AIG1: variants seen among roughly 807,000 people sequenced by gnomAD.
AIG1 encodes the protein androgen induced 1, also known as androgen-induced gene 1 protein.
Under a neutral mutation model 31.4 loss-of-function variants are expected in AIG1, and 23 were observed. The ratio of observed to expected loss-of-function variants is 0.73; its 90% confidence interval spans 0.53 to 1.04. The LOEUF is 1.04. Ranked by LOEUF, AIG1 falls within the 50% of genes least tolerant of loss-of-function variation. The pLI, the probability that AIG1 is intolerant of heterozygous loss-of-function variation, is 0.00. For synonymous variants in AIG1, 100 were observed against 110.5 expected (o/e 0.90, Z 0.60); for missense variants, 274 against 295.0 (o/e 0.93, Z 0.52).
intron 3 of AIG1, among the ~76,000 whole-genome samples, chr6:143,227,021 C>A (rs904824082): frequency 1.6e-5 from 2 of 122,678 alleles, no homozygotes; most frequent in Admixed American, 1.9e-4. Flanking sequence ...CATCAGCTAT[C>A]GTTAGTGTTT....
intron 3 of AIG1, among the ~76,000 whole-genome samples, chr6:143,196,015 G>A (rs913016268): frequency 6.6e-6 from 1 of 152,198 alleles, no homozygotes; most frequent in African/African-American, 2.4e-5. Flanking sequence ...TCTGGCCTTG[G>A]CTCCTTCTGA....
At chr6:143,255,272 C>T (rs932575973) in intron 3 of AIG1, among the ~76,000 whole-genome samples, 3 of 152,166 alleles carry the variant, frequency 2.0e-5, no homozygotes, top group Non-Finnish European at 4.4e-5. Flanking sequence ...GCTAAGGCTG[C>T]CATAACAAAA....
intron 3 of AIG1, chr6:143,189,287 C>T (rs1435981674): frequency 1.8e-6 from 1 of 561,882 alleles, no homozygotes; most frequent in Admixed American, 6.3e-5. Flanking sequence ...CATTATGTTT[C>T]CCAGGCTGGT....
chr6:143,294,709 C>G (rs1282038572), intron 4 of AIG1, among the ~76,000 whole-genome samples: 1 of 152,190 alleles, frequency 6.6e-6, no homozygotes, highest in Non-Finnish European at 1.5e-5. Context: ...CTGTAGACCT[C>G]TTCTCAATTG....
chr6:143,102,561 T>C (rs1780391659), intron 1 of AIG1, among the ~76,000 whole-genome samples: 1 of 147,708 alleles, frequency 6.8e-6, no homozygotes, highest in Non-Finnish European at 1.5e-5. Context: ...AAAGATAATG[T>C]TATATAAATA....
intron 2 of AIG1, among the ~76,000 whole-genome samples, chr6:143,140,855 G>A (rs113482493): frequency 0.012 from 1,806 of 152,302 alleles, 15 homozygotes; most frequent in Middle Eastern, 0.051. Flanking sequence ...CACCCTCTCT[G>A]TGCCAGGGGA....
intron 1 of AIG1, among the ~76,000 whole-genome samples, chr6:143,085,045 A>G (rs1475947185): frequency 6.6e-6 from 1 of 152,194 alleles, no homozygotes; most frequent in Admixed American, 6.5e-5. Context: ...GTAACATTAC[A>G]TCTCTCCATG....
At chr6:143,189,139 G>C in intron 3 of AIG1, 1 of 580,952 alleles carries the variant, frequency 1.7e-6, no homozygotes, top group Non-Finnish European at 2.2e-6. Context: ...AAACTGCAGG[G>C]CTCAAGCAAT....
chr6:143,076,871 C>G (rs576322376), intron 1 of AIG1, among the ~76,000 whole-genome samples: 5 of 152,212 alleles, frequency 3.3e-5, no homozygotes, highest in African/African-American at 1.2e-4. Context: ...CAGGGTTTCA[C>G]CATGTTAGCC....
intron 3 of AIG1, among the ~76,000 whole-genome samples, chr6:143,276,503 A>G (rs138266700): frequency 7.2e-5 from 11 of 152,316 alleles, no homozygotes; most frequent in Non-Finnish European, 1.0e-4. Flanking sequence ...GGTATCCAAC[A>G]TATGCCAAAA....
At chr6:143,173,244 G>A (rs529321271) in intron 3 of AIG1, among the ~76,000 whole-genome samples, 77 of 152,204 alleles carry the variant, frequency 5.1e-4, no homozygotes, top group Non-Finnish European at 9.7e-4. Flanking sequence ...TGTATTTTTA[G>A]TAGAGACAGT....
At chr6:143,305,781 G>C (rs1419509576) in intron 4 of AIG1, among the ~76,000 whole-genome samples, 5 of 151,942 alleles carry the variant, frequency 3.3e-5, no homozygotes, top group Non-Finnish European at 5.9e-5. Flanking sequence ...GGGTATCCTT[G>C]TTAACTTTCT....
chr6:143,060,696 C>G, upstream of AIG1: 1 of 445,274 alleles, frequency 2.2e-6, no homozygotes, highest in Non-Finnish European at 4.7e-6. Context: ...AGGCCGCGGC[C>G]GGCAGTGGAG....
chr6:143,289,869 G>T (rs1310349883), intron 4 of AIG1, among the ~76,000 whole-genome samples: 2 of 152,118 alleles, frequency 1.3e-5, no homozygotes, highest in Non-Finnish European at 2.9e-5. Flanking sequence ...CTAAGAAAAT[G>T]AAATTTTAGA....
At chr6:143,332,150 A>G (rs6917403) in intron 4 of AIG1, among the ~76,000 whole-genome samples, 102,257 of 151,954 alleles carry the variant, frequency 0.67, 35,392 homozygotes, top group East Asian at 1. Context: ...GAGATTACAG[A>G]TGTGAGCCAC....
intron 2 of AIG1, among the ~76,000 whole-genome samples, chr6:143,150,772 A>T (rs1486339967): frequency 6.6e-6 from 1 of 152,172 alleles, no homozygotes; most frequent in African/African-American, 2.4e-5. Context: ...TTTACATTGG[A>T]TCCCCAGGTT....
chr6:143,341,713 T>A (rs11751030), downstream of AIG1, among the ~76,000 whole-genome samples: 22,311 of 152,112 alleles, frequency 0.15, 1,871 homozygotes, highest in East Asian at 0.4. Context: ...TAAATTAATA[T>A]TGTTTAAGCC....
intron 1 of AIG1, among the ~76,000 whole-genome samples, chr6:143,087,133 T>C (rs1203965653): frequency 6.6e-6 from 1 of 152,202 alleles, no homozygotes; most frequent in Non-Finnish European, 1.5e-5. Context: ...TAAGGAAGGA[T>C]AGGACAGAAT....
chr6:143,135,915 G>C (rs913775437), intron 1 of AIG1, among the ~76,000 whole-genome samples: 1 of 152,094 alleles, frequency 6.6e-6, no homozygotes. Flanking sequence ...TCTATCCTTG[G>C]TGCTAATTGG....
Sources: allele counts gnomAD v4.1 joint callset (sites outside exome capture counted in the v4.1 genomes callset), GRCh38; gene constraint gnomAD v4.1.1; transcripts MANE v1.5; gene names NCBI Gene and HGNC (gene_info 2026-07-23, HGNC 2026-07-21).